Variants in SESN3 observed in about 807,000 individuals in gnomAD.
SESN3 encodes sestrin 3.
A neutral mutation model predicts 55.3 loss-of-function variants in SESN3; 21 were observed. The observed-to-expected ratio is 0.38, with a 90% confidence interval of 0.27 to 0.55. SESN3 has a LOEUF of 0.55. Among genes scored for constraint, SESN3 ranks in the 20% least tolerant of loss-of-function variants. The pLI is 0.76. For synonymous variants in SESN3, 181 were observed against 203.1 expected (o/e 0.89, Z 0.93); for missense variants, 408 against 604.3 (o/e 0.68, Z 3.41).
At chr11:95,215,926 G>A (rs529380847) in intron 1 of SESN3, among the ~76,000 whole-genome samples, 48 of 151,742 alleles carry the variant, frequency 3.2e-4, no homozygotes, top group South Asian at 1.0e-3. Flanking sequence ...GTGAAACCCC[G>A]TCTCTACTAA....
rs767634565 is a variant in SESN3 at position 95,230,877 on chromosome 11, G to A, written c.-17C>T. ...CCGGTTCATCGTGGCTGCGGGCGCC[G>A]AGGCGAGAGCGGGCGGAGGGCCGGG... On this transcript the variant is annotated 5_prime_UTR_variant, in exon 1 of 10. Coordinates refer to ENST00000536441, the MANE Select transcript of SESN3 (RefSeq NM_144665.4). This position sits in a 1 kb window ranked among gnomAD's most constrained non-coding sequence, Gnocchi z 4.6. The A allele has an allele frequency of 7.7e-6, 12 of 1,558,342 alleles. No homozygotes were observed. The highest frequency in any genetic ancestry group is 1.4e-5 in the African/African-American group (1 of 69,994).
rs1379835928 is a variant in SESN3, at chr11:95,172,355, A to G, written c.*900T>C. On this transcript the variant is annotated 3_prime_UTR_variant, in exon 10 of 10. Transcript: ENST00000536441. ...AAACTATGAGAAAGGAAAAATGTGC[A>G]AAGAAAATTTTTGGTCAGTCTTGTG... is the stretch of plus-strand genomic sequence containing the variant. The G allele has an allele frequency of 6.6e-6, 1 of 152,184 alleles. No individual in the cohort carries two copies. Among genetic ancestry groups the G allele is most frequent in the African/African-American group, 2.4e-5 (1 of 41,452 alleles). 9.4% of individuals were successfully genotyped at this position (152,184 alleles called of 1,614,324 possible). A position where few individuals can be genotyped will look rare whatever the true frequency, so the allele number is the denominator to read the frequency against.
chr11:95,210,017 CAAAAAAA>C (rs71036380), intron 1 of SESN3, among the ~76,000 whole-genome samples: 2 of 60,202 alleles, frequency 3.3e-5, no homozygotes, highest in South Asian at 6.3e-4. Context: ...AACTCCATCT[CAAAAAAA>C]AAAAAAAAAA....
chr11:95,183,615 G>A lies in SESN3; in HGVS notation c.937+805C>T, dbSNP rs974215904. ...GAGAACCGCTTGAACCTAGGAGACGGAGGTTGCAGTGAGCCAAGATCACGT... is the reference window on the plus strand; with the variant it reads ...GAGAACCGCTTGAACCTAGGAGACGAAGGTTGCAGTGAGCCAAGATCACGT... On this transcript the variant is annotated intron_variant, in intron 6 of 9. Coordinates refer to ENST00000536441, the MANE Select transcript of SESN3 (RefSeq NM_144665.4). Among the ~76,000 whole-genome samples the A allele has an allele frequency of 5.3e-5, 8 of 150,964 alleles. No homozygotes were observed. In the South Asian group the frequency reaches 1.7e-3, roughly 32 times the overall value.
Position 95,178,932 on chromosome 11 carries a change from C to A in SESN3, c.938-104G>T, listed in dbSNP as rs1317539245. The A allele has an allele frequency of 7.7e-6, 5 of 647,600 alleles. No homozygotes were observed. In the East Asian group the frequency reaches 1.3e-4, roughly 17 times the overall value. The allele number at this position is 647,600 out of a possible 1,614,324, so 40.1% of individuals were successfully genotyped here. ...CACTTTTTAGCTTTTCCATGGATTT[C>A]TAAAGTGAAAACATGGACTCCGTGA... On this transcript the variant is annotated intron_variant, in intron 6 of 9. Coordinates refer to ENST00000536441, the MANE Select transcript of SESN3 (RefSeq NM_144665.4).
At chr11:95,196,283 C>T (rs565429602) in intron 1 of SESN3, among the ~76,000 whole-genome samples, 5 of 152,250 alleles carry the variant, frequency 3.3e-5, no homozygotes, top group African/African-American at 1.2e-4. Context: ...GCTGCTCTGT[C>T]TATTCATAGG....
intron 1 of SESN3, among the ~76,000 whole-genome samples, chr11:95,218,338 G>C (rs919622747): frequency 2.0e-5 from 3 of 152,310 alleles, no homozygotes; most frequent in African/African-American, 7.2e-5. Context: ...AAGAGACCCA[G>C]GCATAAGTTG....
rs1591039181 is a variant in SESN3, at chr11:95,169,400, C to A, written c.*3855G>T. 2.0e-5 allele frequency: 3 copies of A among 152,082 alleles called. No individual in the cohort carries two copies. The East Asian group carries it at 5.8e-4, about 29-fold the overall frequency. 9.4% of individuals were successfully genotyped at this position (152,082 alleles called of 1,614,324 possible). A position where few individuals can be genotyped will look rare whatever the true frequency, so the allele number is the denominator to read the frequency against. Reference sequence around the variant, plus strand: ...CCTGCTGTTGAATTGTGCTACTAAGCAAATGTGATATACTATTTACATAAC... The same window carrying A: ...CCTGCTGTTGAATTGTGCTACTAAGAAAATGTGATATACTATTTACATAAC... On this transcript the variant is annotated 3_prime_UTR_variant, in exon 10 of 10. Coordinates refer to ENST00000536441, the MANE Select transcript of SESN3 (RefSeq NM_144665.4).
At chr11:95,201,847 T>A (rs1233382797) in intron 1 of SESN3, among the ~76,000 whole-genome samples, 1 of 152,102 alleles carries the variant, frequency 6.6e-6, no homozygotes, top group African/African-American at 2.4e-5. Context: ...AAATCAAAGC[T>A]ACAGTCACCT....
chr11:95,178,812 C>T lies in SESN3; in HGVS notation c.954G>A (p.Met318Ile). ...SFPHSDFEDD[M>I]IITSDVSRYI... ...ATCGAGAGACATCAGATGTTATAAT[C>T]ATGTCATCCTCAAAATCTAAGGACA... Residue 318 changes from methionine to isoleucine, a missense_variant, in exon 7 of 10, where the codon ATG (methionine) becomes ATA (isoleucine). By Grantham distance (10) the Met-to-Ile change is conservative. This residue lies in a region of SESN3 where 119 missense variants were observed against 139.9 expected (regional missense o/e 0.85). Coordinates refer to ENST00000536441, the MANE Select transcript of SESN3 (RefSeq NM_144665.4). 6.3e-7 allele frequency: 1 copy of T among 1,596,736 alleles called. No homozygotes were observed.
Position 95,224,767 on chromosome 11 carries a change from C to T in SESN3, c.78+6016G>A, listed in dbSNP as rs771304591. 2.0e-5 allele frequency among the ~76,000 whole-genome samples: 3 copies of T among 152,104 alleles called. No individual in the cohort carries two copies. The South Asian group carries it at 6.2e-4, about 31-fold the overall frequency. On this transcript the variant is annotated intron_variant, in intron 1 of 9. Transcript: ENST00000536441. ...GCAGCAAATAGTGTCAATTAGTTTC[C>T]TTGAATTTTCAGGGTCATACTACTC...
chr11:95,213,927 TAAAAAAG>T (rs1290189075), intron 1 of SESN3, among the ~76,000 whole-genome samples: 4 of 152,052 alleles, frequency 2.6e-5, no homozygotes, highest in African/African-American at 7.2e-5. Context: ...AAGTCCTATG[TAAAAAAG>T]AAAAAAGAAA....
Position 95,184,509 on chromosome 11 carries a change from T to A in SESN3, c.848A>T (p.Gln283Leu). ...TTCAAAACGAGTGCTCATTTCTTCTTGAGACGCCTCTTCATCTTCCCTTTC... is the reference window on the plus strand; with the variant it reads ...TTCAAAACGAGTGCTCATTTCTTCTAGAGACGCCTCTTCATCTTCCCTTTC... ...QEEREDEEASQEEMSTRFEKE... is the reference protein window; with the variant it reads ...QEEREDEEASLEEMSTRFEKE... The change falls in exon 6 of 10, where the codon CAA (glutamine) becomes CTA (leucine). Residue 283 changes from glutamine (Q) to leucine (L), a missense_variant. Physicochemically the swap from Gln to Leu is moderately radical, Grantham distance 113 (BLOSUM62 -2). Coordinates refer to ENST00000536441, the MANE Select transcript of SESN3 (RefSeq NM_144665.4). 2 of 1,613,578 alleles carry A rather than the reference T, an allele frequency of 1.2e-6. No individual in the cohort carries two copies. The highest frequency in any genetic ancestry group is 1.7e-6 in the Non-Finnish European group (2 of 1,179,676).
chr11:95,212,550 T>C (rs981617704), intron 1 of SESN3, among the ~76,000 whole-genome samples: 5 of 152,170 alleles, frequency 3.3e-5, no homozygotes, highest in Admixed American at 2.6e-4. Flanking sequence ...CTGAAATTTA[T>C]ACAGTAAGTT....
intron 1 of SESN3, among the ~76,000 whole-genome samples, chr11:95,217,850 T>C (rs1463725547): frequency 2.0e-5 from 3 of 152,180 alleles, no homozygotes; most frequent in African/African-American, 7.2e-5. Context: ...ATTACTTACA[T>C]TGATTAAATG....
At chr11:95,216,716 A>G (rs560711967) in intron 1 of SESN3, among the ~76,000 whole-genome samples, 2 of 152,294 alleles carry the variant, frequency 1.3e-5, no homozygotes, top group South Asian at 4.2e-4. Context: ...GAAGTAAGAT[A>G]AAATCACATA....
chr11:95,220,110 G>A (rs1860831833), intron 1 of SESN3, among the ~76,000 whole-genome samples: 1 of 152,152 alleles, frequency 6.6e-6, no homozygotes, highest in Non-Finnish European at 1.5e-5. Context: ...GTAGACTATA[G>A]GGGATGTAGG....
At chr11:95,212,694 T>C (rs191624030) in intron 1 of SESN3, among the ~76,000 whole-genome samples, 10 of 152,292 alleles carry the variant, frequency 6.6e-5, no homozygotes, top group Admixed American at 3.9e-4. Context: ...GAATGATTGA[T>C]ATGACAACAT....
At chr11:95,215,208 C>T (rs115977398) in intron 1 of SESN3, among the ~76,000 whole-genome samples, 1 of 144,438 alleles carries the variant, frequency 6.9e-6, no homozygotes, top group African/African-American at 2.6e-5. Context: ...TGTTACACTA[C>T]AGATGGTTGG....
Sources: gnomAD v4.1 joint callset for allele counts (sites outside exome capture counted in the v4.1 genomes callset) on GRCh38, gnomAD v4.1.1 for gene constraint, gnomAD v4.1.1 regional missense constraint, Gnocchi (gnomAD v3.1) non-coding constraint, MANE v1.5 for transcripts, NCBI Gene and HGNC (gene_info 2026-07-23, HGNC 2026-07-21) for gene names.